Variants in FUCA1 observed in about 807,000 individuals in gnomAD.
The protein encoded by FUCA1 is tissue alpha-L-fucosidase.
FUCA1 carries 52 observed loss-of-function variants against 56.8 expected under a neutral mutation model. The observed-to-expected ratio is 0.92, with a 90% CI of 0.73 to 1.15. FUCA1 has a LOEUF of 1.15. Ranked by LOEUF, FUCA1 falls within the 50% of genes most tolerant of loss-of-function variation. FUCA1 has a pLI of 0.00. For missense variants in FUCA1, 568 were observed against 592.6 expected, an observed-to-expected ratio of 0.96 and a Z score of 0.43; for synonymous variants, 230 against 226.6, an observed-to-expected ratio of 1.02 and a Z score of -0.14.
At chr1:23,859,937 T>G in intron 3 of FUCA1, 34 bp from the exon 4 acceptor site, 1 of 1,389,054 alleles carries the variant, frequency 7.2e-7, no homozygotes, top group South Asian at 1.2e-5. Flanking sequence ...GAGCTTATTA[T>G]CTGAACATGT....
intron 5 of FUCA1, among the ~76,000 whole-genome samples, chr1:23,850,891 T>C (rs1218787826): frequency 1.3e-5 from 2 of 152,134 alleles, no homozygotes; most frequent in African/African-American, 4.8e-5. Context: ...TCCCAAAGTG[T>C]TGGAGTTACA....
At chr1:23,858,531 AAACT>A (rs1639442048) in intron 4 of FUCA1, among the ~76,000 whole-genome samples, 1 of 152,232 alleles carries the variant, frequency 6.6e-6, no homozygotes. Flanking sequence ...GCTAAAATAC[AAACT>A]GTAAATGGGC....
intron 5 of FUCA1, among the ~76,000 whole-genome samples, chr1:23,849,335 G>A (rs1639209947): frequency 6.6e-6 from 1 of 151,998 alleles, no homozygotes; most frequent in Non-Finnish European, 1.5e-5. Flanking sequence ...AGCAGGTTAG[G>A]CTCATGTGAG....
At chr1:23,865,050 T>G (rs1639595447) in intron 2 of FUCA1, among the ~76,000 whole-genome samples, 2 of 152,174 alleles carry the variant, frequency 1.3e-5, no homozygotes, top group Non-Finnish European at 2.9e-5. Flanking sequence ...TGCAGGCCAT[T>G]TGGTCTCTAT....
At chr1:23,863,380 G>C (rs1639549753) in intron 2 of FUCA1, 109 bp from the exon 3 acceptor site, 1 of 1,049,368 alleles carries the variant, frequency 9.5e-7, no homozygotes, top group Non-Finnish European at 1.4e-6. Context: ...TCACTCATAA[G>C]AGCATATAGA....
At chr1:23,859,037 C>A (rs563744415) in intron 4 of FUCA1, among the ~76,000 whole-genome samples, 3 of 152,224 alleles carry the variant, frequency 2.0e-5, no homozygotes, top group South Asian at 4.2e-4. Context: ...TTGCCTTGGC[C>A]TCCCAAAGTG....
chr1:23,854,100 G>A (rs895995242), intron 5 of FUCA1, among the ~76,000 whole-genome samples: 2 of 151,322 alleles, frequency 1.3e-5, no homozygotes, highest in African/African-American at 4.9e-5. Flanking sequence ...ATAAAAAACT[G>A]GACACCCTAC....
chr1:23,860,583 C>CAAA (rs532619184), intron 3 of FUCA1, among the ~76,000 whole-genome samples: 1 of 50,238 alleles, frequency 2.0e-5, no homozygotes, highest in Non-Finnish European at 4.0e-5. Flanking sequence ...AACTCCGTCT[C>CAAA]AAAAAAAAAA....
chr1:23,861,240 G>A (rs1036277322), intron 3 of FUCA1, among the ~76,000 whole-genome samples: 18 of 149,224 alleles, frequency 1.2e-4, no homozygotes, highest in African/African-American at 3.7e-4. Context: ...GGAGAATGGC[G>A]TGAACCCGGG....
chr1:23,862,857 A>C, intron 3 of FUCA1, among the ~76,000 whole-genome samples: 1 of 152,216 alleles, frequency 6.6e-6, no homozygotes, highest in East Asian at 1.9e-4. Flanking sequence ...TGACATAGGG[A>C]AAACGGCATG....
rs141976059 is a variant in FUCA1, at chr1:23,849,926, G to C, written c.970-1087C>G. ...CTTCTGGAGTGGGATTTGGGTGTGT[G>C]TGTTTTTACTGTGACCTTGAACAGG... On this transcript the variant is annotated intron_variant, in intron 5 of 7. Transcript: ENST00000374479. Among the ~76,000 whole-genome samples, 44 of 152,160 alleles carry C rather than the reference G, an allele frequency of 2.9e-4. No homozygotes were observed. The East Asian group carries it at 3.1e-3, about 11-fold the overall frequency.
intron 6 of FUCA1, among the ~76,000 whole-genome samples, chr1:23,848,146 C>T (rs1639178827): frequency 6.6e-6 from 1 of 152,076 alleles, no homozygotes; most frequent in African/African-American, 2.4e-5. Flanking sequence ...GGGATTAGAT[C>T]CAGAGACCTA....
chr1:23,863,043 T>C, intron 3 of FUCA1, 91 bp downstream of exon 3: 1 of 1,369,364 alleles, frequency 7.3e-7, no homozygotes, highest in Non-Finnish European at 1.0e-6. Context: ...GTTTTTTTCA[T>C]ACCTATCCCT....
intron 3 of FUCA1, among the ~76,000 whole-genome samples, chr1:23,862,291 G>A (rs926950989): frequency 6.6e-6 from 1 of 152,102 alleles, no homozygotes; most frequent in Non-Finnish European, 1.5e-5. Flanking sequence ...TCAGCCTCCC[G>A]AGTAGCTGGG....
rs746590345 is a variant in FUCA1 at position 23,854,386 on chromosome 1, C to T, written c.943G>A (p.Val315Ile). ...GAAATGATTTCAGATTCTTCTGTAA[C>T]ATCAGACAATGCCATGTCACGACGA... ...GYRRDMALSD[V>I]TEESEIISEL... The change falls in exon 5 of 8, where the codon GTT becomes ATT. Residue 315 changes from valine (V) to isoleucine (I), a missense_variant. By Grantham distance (29) the Val-to-Ile change is conservative. Transcript: ENST00000374479. 4.3e-6 allele frequency: 7 copies of T among 1,613,720 alleles called. No homozygotes were observed. The East Asian group carries it at 1.6e-4, about 36-fold the overall frequency.
chr1:23,845,893 G>A, intron 7 of FUCA1, 38 bp from the exon 8 acceptor site: 1 of 1,612,334 alleles, frequency 6.2e-7, no homozygotes, highest in East Asian at 2.2e-5. Context: ...AACTGGTAAT[G>A]CACTAATGAG....
chr1:23,867,811 G>A lies in FUCA1; in HGVS notation c.389+87C>T, dbSNP rs1639655539. The A allele has an allele frequency of 3.4e-6, 5 of 1,450,044 alleles. No homozygotes were observed. 89.8% of individuals were successfully genotyped at this position (1,450,044 alleles called of 1,614,324 possible). A position where few individuals can be genotyped will look rare whatever the true frequency, so the allele number is the denominator to read the frequency against. On this transcript the variant is annotated intron_variant, in intron 1 of 7. Coordinates refer to ENST00000374479, the MANE Select transcript of FUCA1 (RefSeq NM_000147.5). The surrounding 1 kb of genome is among the most constrained non-coding windows in gnomAD (Gnocchi z 4.9). The stretch of plus-strand genomic sequence containing the variant: ...CCCGGGGTCATGGGGGCGACCGGCA[G>A]CTGCGCGCCCCAGCTGGCCGCCCAG...
At chr1:23,856,156 A>C (rs1198289423) in intron 4 of FUCA1, among the ~76,000 whole-genome samples, 1 of 152,128 alleles carries the variant, frequency 6.6e-6, no homozygotes, top group African/African-American at 2.4e-5. Context: ...AACCAACCAA[A>C]CAAACAAAAT....
intron 7 of FUCA1, 61 bp from the exon 8 acceptor site, chr1:23,845,916 GCTGA>G (rs2148437034): frequency 6.2e-7 from 1 of 1,604,398 alleles, no homozygotes; most frequent in South Asian, 1.1e-5. Flanking sequence ...TAGAATACAG[GCTGA>G]CTATGGTAGG....
Sources: allele counts gnomAD v4.1 joint callset (sites outside exome capture counted in the v4.1 genomes callset), GRCh38; gene constraint gnomAD v4.1.1; non-coding constraint Gnocchi (gnomAD v3.1); transcripts MANE v1.5; gene names NCBI Gene and HGNC (gene_info 2026-07-23, HGNC 2026-07-21).